RIMS1: variants seen among roughly 807,000 people sequenced by gnomAD.
The protein encoded by RIMS1 is regulating synaptic membrane exocytosis protein 1.
RIMS1 carries 83 observed loss-of-function variants against 214.1 expected under a neutral mutation model. That is an observed-to-expected ratio of 0.39 (90% CI 0.32 to 0.47). RIMS1 has a LOEUF of 0.47. Ranked by LOEUF, RIMS1 falls within the 20% of genes least tolerant of loss-of-function variation. The probability of loss-of-function intolerance (pLI) is 0.99; values close to 1 mark genes in which losing one functional copy is unlikely to be tolerated. For missense variants in RIMS1, 2,050 were observed against 2,161.8 expected (o/e 0.95, Z 1.03); for synonymous variants, 793 against 786.8 (o/e 1.01, Z -0.13).
At chr6:72,001,757 C>A (rs1562074494) in intron 2 of RIMS1, among the ~76,000 whole-genome samples, 2 of 152,034 alleles carry the variant, frequency 1.3e-5, no homozygotes, top group African/African-American at 2.4e-5. Context: ...TTTTCTAGGG[C>A]TAAGTTTTAA....
chr6:72,046,680 G>A (rs1164092559), intron 2 of RIMS1, among the ~76,000 whole-genome samples: 1 of 151,826 alleles, frequency 6.6e-6, no homozygotes, highest in Non-Finnish European at 1.5e-5. Context: ...CTGAGAATTG[G>A]AATTTTAAAA....
At chr6:71,921,124 T>G (rs1477454682) in intron 1 of RIMS1, among the ~76,000 whole-genome samples, 1 of 151,982 alleles carries the variant, frequency 6.6e-6, no homozygotes, top group East Asian at 1.9e-4. Flanking sequence ...TACAAGCCAT[T>G]ATTTTATTTT....
intron 6 of RIMS1, among the ~76,000 whole-genome samples, chr6:72,196,373 G>GTTTGTCTATCTATCTATCTATCTATCTA (rs1183303526): frequency 2.9e-5 from 3 of 102,358 alleles, no homozygotes; most frequent in African/African-American, 1.1e-4. Flanking sequence ...CTGTCTGTCT[G>GTTTGTCTATCTATCTATCTATCTATCTA]TCTGTCTATC....
chr6:71,955,857 A>G (rs1037192871), intron 1 of RIMS1, among the ~76,000 whole-genome samples: 2 of 152,128 alleles, frequency 1.3e-5, no homozygotes, highest in Non-Finnish European at 2.9e-5. Context: ...TTACTTCTAA[A>G]GTAAGGGGGT....
At chr6:72,340,298 A>G (rs1459383759) in intron 29 of RIMS1, among the ~76,000 whole-genome samples, 3 of 151,372 alleles carry the variant, frequency 2.0e-5, no homozygotes, top group African/African-American at 7.3e-5. Flanking sequence ...ATTAGATCCC[A>G]TTTGTCAATT....
At chr6:72,004,512 C>T (rs1341623418) in intron 2 of RIMS1, among the ~76,000 whole-genome samples, 2 of 151,182 alleles carry the variant, frequency 1.3e-5, no homozygotes, top group Admixed American at 1.3e-4. Context: ...CCTATTTCTC[C>T]ACATCCTCTC....
chr6:72,133,875 A>G (rs1189651085), intron 4 of RIMS1, among the ~76,000 whole-genome samples: 1 of 152,122 alleles, frequency 6.6e-6, no homozygotes, highest in Non-Finnish European at 1.5e-5. Context: ...AGGGTGGGAT[A>G]TGGTGTTAGG....
intron 4 of RIMS1, among the ~76,000 whole-genome samples, chr6:72,127,638 C>T (rs971689332): frequency 6.6e-5 from 10 of 152,146 alleles, no homozygotes; most frequent in African/African-American, 2.4e-4. Context: ...AGGTTCTGTG[C>T]CTTACTTGAA....
Position 72,258,105 on chromosome 6 carries a change from T to A in RIMS1, c.2771-20T>A, listed in dbSNP as rs2076613063. On this transcript the variant is annotated intron_variant, in intron 16 of 33. Coordinates refer to ENST00000521978, the MANE Select transcript of RIMS1 (RefSeq NM_014989.7). The stretch of plus-strand genomic sequence containing the variant: ...ATAGAAGAATACTGACTAAATTTTT[T>A]CTGTGTGTACTTTTGCCAGTAGGCT... 1 of 1,607,326 alleles carries A rather than the reference T, an allele frequency of 6.2e-7. No individual in the cohort carries two copies. The highest frequency in any genetic ancestry group is 8.5e-7 in the Non-Finnish European group (1 of 1,176,302).
At chr6:72,250,789 A>G in intron 13 of RIMS1, 132 bp from the exon 14 acceptor site, 1 of 594,240 alleles carries the variant, frequency 1.7e-6, no homozygotes. Flanking sequence ...ATTAAACTCT[A>G]TTATCTTTTT....
At chr6:72,040,139 T>G (rs1300269709) in intron 2 of RIMS1, among the ~76,000 whole-genome samples, 1 of 152,078 alleles carries the variant, frequency 6.6e-6, no homozygotes, top group Admixed American at 6.6e-5. Context: ...AGGTACTTAG[T>G]ACCTAGGGAC....
chr6:71,944,541 G>A (rs748646145), intron 1 of RIMS1, among the ~76,000 whole-genome samples: 25 of 152,186 alleles, frequency 1.6e-4, no homozygotes, highest in Non-Finnish European at 3.4e-4. Flanking sequence ...TTGGTGTGAA[G>A]TGGGTGTTAG....
Position 72,236,368 on chromosome 6 carries a change from A to G in RIMS1, c.1857+640A>G, listed in dbSNP as rs374773667. Among the ~76,000 whole-genome samples the G allele has an allele frequency of 7.9e-5, 12 of 152,292 alleles. No individual in the cohort carries two copies. The East Asian group carries it at 1.3e-3, about 17-fold the overall frequency. On this transcript the variant is annotated intron_variant, in intron 8 of 33. Coordinates refer to ENST00000521978, the MANE Select transcript of RIMS1 (RefSeq NM_014989.7). Reference sequence around the variant, plus strand: ...AGGCTATTAAGCTTTGCACAATGGTAAATTGCTTCCCAAAGGTGTCATTTT... The same window carrying G: ...AGGCTATTAAGCTTTGCACAATGGTGAATTGCTTCCCAAAGGTGTCATTTT...
chr6:72,340,891 G>A (rs1446969521), intron 29 of RIMS1, among the ~76,000 whole-genome samples: 1 of 151,910 alleles, frequency 6.6e-6, no homozygotes, highest in Non-Finnish European at 1.5e-5. Flanking sequence ...CCATTTTCAC[G>A]ATATTGATTC....
intron 2 of RIMS1, among the ~76,000 whole-genome samples, chr6:72,038,105 AAAAAAAAAAAAAAATATATATATATATAT>A (rs1820247638): frequency 2.4e-5 from 2 of 84,624 alleles, no homozygotes; most frequent in Admixed American, 2.5e-4. Context: ...AAAAAAAAAA[AAAAAAAAAAAAAAATATATATATATATAT>A]ATATATATAT....
intron 14 of RIMS1, 32 bp downstream of exon 14, chr6:72,251,124 A>G (rs2073095435): frequency 6.4e-7 from 1 of 1,557,600 alleles, no homozygotes; most frequent in Non-Finnish European, 8.7e-7. Context: ...CAAGTCAAAT[A>G]GTTAATAAAG....
intron 1 of RIMS1, among the ~76,000 whole-genome samples, chr6:71,922,577 G>A (rs1414494241): frequency 6.6e-6 from 1 of 152,122 alleles, no homozygotes; most frequent in Non-Finnish European, 1.5e-5. Flanking sequence ...TGTTTTCAAG[G>A]TCCATCTACT....
chr6:72,274,578 A>C, intron 23 of RIMS1, 146 bp downstream of exon 23: 1 of 624,786 alleles, frequency 1.6e-6, no homozygotes. Flanking sequence ...AACTCTGGTA[A>C]AGCACCTCAG....
At chr6:72,386,529 C>T (rs748146517) in intron 29 of RIMS1, among the ~76,000 whole-genome samples, 10 of 152,190 alleles carry the variant, frequency 6.6e-5, no homozygotes, top group South Asian at 2.1e-4. Flanking sequence ...CACAGCCTCC[C>T]GTCAGCAGGA....
Sources: allele counts gnomAD v4.1 joint callset (sites outside exome capture counted in the v4.1 genomes callset), GRCh38; gene constraint gnomAD v4.1.1; transcripts MANE v1.5; gene names NCBI Gene and HGNC (gene_info 2026-07-23, HGNC 2026-07-21).